The following RNF212B variants were observed in gnomAD, a reference collection of about 807,000 sequenced individuals.
RNF212B encodes ring finger protein 212B.
RNF212B carries 52 observed loss-of-function variants against 55.5 expected under a neutral mutation model. The ratio of observed to expected loss-of-function variants is 0.94; its 90% CI spans 0.75 to 1.18. The LOEUF is 1.18. Among genes scored for constraint, RNF212B ranks in the 50% most tolerant of loss-of-function variants. RNF212B has a pLI of 0.00. For missense variants in RNF212B, 289 were observed against 350.4 expected (o/e 0.82, Z 1.40); for synonymous variants, 99 against 121.4 (o/e 0.82, Z 1.21).
intron 2 of RNF212B, among the ~76,000 whole-genome samples, chr14:23,213,466 A>C (rs1167415476): frequency 6.6e-6 from 1 of 152,198 alleles, no homozygotes; most frequent in Non-Finnish European, 1.5e-5. Context: ...ATTTCCAATA[A>C]AAATTCCACC....
At chr14:23,226,453 A>G (rs1174615936) in intron 2 of RNF212B, among the ~76,000 whole-genome samples, 1 of 151,786 alleles carries the variant, frequency 6.6e-6, no homozygotes, top group Non-Finnish European at 1.5e-5. Context: ...ACACGGTGGA[A>G]CCCCATCTCT....
chr14:23,226,632 A>G (rs1022178812), intron 2 of RNF212B, among the ~76,000 whole-genome samples: 1 of 152,166 alleles, frequency 6.6e-6, no homozygotes, highest in African/African-American at 2.4e-5. Flanking sequence ...CTCTGTATCA[A>G]AAACAAAACA....
chr14:23,234,534 G>A (rs938689264), upstream of RNF212B, among the ~76,000 whole-genome samples: 2 of 151,990 alleles, frequency 1.3e-5, no homozygotes, highest in African/African-American at 4.8e-5. Context: ...TTTTTCAGAT[G>A]GCTATTCAGT....
chr14:23,229,251 T>TATATATATATAC (rs1277600041), intron 2 of RNF212B, among the ~76,000 whole-genome samples: 1 of 133,710 alleles, frequency 7.5e-6, no homozygotes, highest in East Asian at 2.3e-4. Flanking sequence ...TATATATATA[T>TATATATATATAC]ATATATATAT....
At chr14:23,208,934 A>ATT (rs1395859472) in intron 2 of RNF212B, among the ~76,000 whole-genome samples, 3 of 150,904 alleles carry the variant, frequency 2.0e-5, no homozygotes, top group East Asian at 3.9e-4. Flanking sequence ...AATTTTTTGT[A>ATT]TTTTTAGTAG....
intron 4 of RNF212B, among the ~76,000 whole-genome samples, chr14:23,246,779 GT>G (rs1884013069): frequency 6.6e-6 from 1 of 152,114 alleles, no homozygotes; most frequent in African/African-American, 2.4e-5. Flanking sequence ...GTCATGAAAG[GT>G]TATGAGTGAT....
At chr14:23,187,277 T>C (rs1255359148) in intron 1 of RNF212B, among the ~76,000 whole-genome samples, 1 of 152,192 alleles carries the variant, frequency 6.6e-6, no homozygotes, top group East Asian at 1.9e-4. Context: ...GGTTATGGCT[T>C]GGGACATGCT....
chr14:23,214,405 A>G (rs1292984503), intron 2 of RNF212B, among the ~76,000 whole-genome samples: 2 of 152,100 alleles, frequency 1.3e-5, no homozygotes, highest in Non-Finnish European at 2.9e-5. Flanking sequence ...GAGTCAGGAG[A>G]ATCGCTTGAA....
intron 1 of RNF212B, among the ~76,000 whole-genome samples, chr14:23,189,848 T>C (rs4982739): frequency 0.98 from 149,707 of 152,224 alleles, 73,652 homozygotes; most frequent in East Asian, 1. Context: ...CTTGATGCTC[T>C]ATTCCTTTCA....
intron 2 of RNF212B, among the ~76,000 whole-genome samples, chr14:23,197,477 A>T (rs1878837336): frequency 6.6e-6 from 1 of 152,212 alleles, no homozygotes; most frequent in Non-Finnish European, 1.5e-5. Flanking sequence ...CAGTGAGCTG[A>T]GATCATGCCA....
intron 2 of RNF212B, among the ~76,000 whole-genome samples, chr14:23,196,691 C>T (rs1175377752): frequency 6.6e-6 from 1 of 152,228 alleles, no homozygotes; most frequent in African/African-American, 2.4e-5. Context: ...ATCCTCCTGC[C>T]TAGGCCTCCT....
intron 2 of RNF212B, among the ~76,000 whole-genome samples, chr14:23,232,211 C>T (rs550756069): frequency 5.9e-5 from 9 of 151,628 alleles, no homozygotes; most frequent in Non-Finnish European, 1.3e-4. Flanking sequence ...CGTCTCTGCC[C>T]GGCTGCCCAT....
rs1883717594 is a variant in RNF212B at position 23,243,110 on chromosome 14, T to G, written c.101-146T>G. 5.0e-6 allele frequency: 3 copies of G among 594,814 alleles called. No homozygotes were observed. The African/African-American group carries it at 5.7e-5, about 11-fold the overall frequency. The allele number at this position is 594,814 out of a possible 1,614,324, so 36.8% of individuals were successfully genotyped here. A position where few individuals can be genotyped will look rare whatever the true frequency, so the allele number is the denominator to read the frequency against. Reference sequence around the variant, plus strand: ...GAACAGAGCTTAAGTTGATGTCCTTTTATAACACAATGATATTCTAAATTC... The same window carrying G: ...GAACAGAGCTTAAGTTGATGTCCTTGTATAACACAATGATATTCTAAATTC... On this transcript the variant is annotated intron_variant, in intron 2 of 14. Coordinates refer to ENST00000430154, the MANE Select transcript of RNF212B (RefSeq NM_001282322.3).
At chr14:23,200,503 T>C (rs1464051579) in intron 2 of RNF212B, among the ~76,000 whole-genome samples, 2 of 152,064 alleles carry the variant, frequency 1.3e-5, no homozygotes, top group Non-Finnish European at 2.9e-5. Flanking sequence ...TTTTTGTAAT[T>C]TCAGCAGAGA....
chr14:23,242,952 C>T (rs756633089), intron 2 of RNF212B, among the ~76,000 whole-genome samples: 55 of 151,508 alleles, frequency 3.6e-4, no homozygotes, highest in Non-Finnish European at 5.2e-4. Flanking sequence ...GCATTCCAGC[C>T]TGGGTGATAG....
At chr14:23,193,622 G>C (rs550014851) in intron 2 of RNF212B, among the ~76,000 whole-genome samples, 5 of 152,062 alleles carry the variant, frequency 3.3e-5, no homozygotes, top group Admixed American at 1.3e-4. Flanking sequence ...AAGAACTAGC[G>C]ATAGTGACAC....
At chr14:23,198,494 T>C (rs1243222550) in intron 2 of RNF212B, among the ~76,000 whole-genome samples, 1 of 151,838 alleles carries the variant, frequency 6.6e-6, no homozygotes, top group Non-Finnish European at 1.5e-5. Context: ...GCCAACATAG[T>C]GAAACCCCCG....
intron 2 of RNF212B, among the ~76,000 whole-genome samples, chr14:23,229,171 T>C (rs1882300620): frequency 6.8e-6 from 1 of 146,554 alleles, no homozygotes; most frequent in Admixed American, 6.9e-5. Flanking sequence ...GATTCATCCA[T>C]GTTGTAGCAT....
intron 14 of RNF212B, among the ~76,000 whole-genome samples, chr14:23,271,857 A>G (rs1433090913): frequency 1.1e-4 from 17 of 152,214 alleles, no homozygotes; most frequent in Non-Finnish European, 1.0e-4. Context: ...AAAATTATCT[A>G]TTGGACATTT....
Sources: gnomAD v4.1 joint callset for allele counts (sites outside exome capture counted in the v4.1 genomes callset) on GRCh38, gnomAD v4.1.1 for gene constraint, MANE v1.5 for transcripts, NCBI Gene and HGNC (gene_info 2026-07-23, HGNC 2026-07-21) for gene names.